Variants in CSMD1 observed in about 807,000 individuals in gnomAD.
The protein encoded by CSMD1 is CUB and Sushi multiple domains 1.
A neutral mutation model predicts 417.5 loss-of-function variants in CSMD1; 213 were observed. The observed-to-expected ratio is 0.51, with a 90% CI of 0.46 to 0.57. CSMD1 has a LOEUF of 0.57. Ranked by LOEUF, CSMD1 falls within the 20% of genes least tolerant of loss-of-function variation. The pLI, the probability that CSMD1 is intolerant of heterozygous loss-of-function variation, is 0.00. For missense variants in CSMD1, 6,923 were observed against 4,529.7 expected, an observed-to-expected ratio of 1.53 and a Z score of -15.17; for synonymous variants, 2,862 against 1,736.8, an observed-to-expected ratio of 1.65 and a Z score of -16.11.
At chr8:4,143,480 C>A (rs1455490793) in intron 3 of CSMD1, among the ~76,000 whole-genome samples, 1 of 149,848 alleles carries the variant, frequency 6.7e-6, no homozygotes, top group Non-Finnish European at 1.5e-5. Context: ...TAATATATGG[C>A]TCATAGTTAA....
chr8:3,384,142 T>G (rs1810816277), intron 18 of CSMD1, among the ~76,000 whole-genome samples: 1 of 152,142 alleles, frequency 6.6e-6, no homozygotes, highest in African/African-American at 2.4e-5. Flanking sequence ...ACATGTTTAC[T>G]CTGGGAAATG....
chr8:4,895,218 A>G (rs1804399175), intron 1 of CSMD1, among the ~76,000 whole-genome samples: 1 of 152,158 alleles, frequency 6.6e-6, no homozygotes, highest in African/African-American at 2.4e-5. Flanking sequence ...AACCATGTAC[A>G]ACTAAGACAA....
intron 3 of CSMD1, among the ~76,000 whole-genome samples, chr8:4,184,391 C>G (rs558531153): frequency 6.6e-6 from 1 of 152,208 alleles, no homozygotes; most frequent in South Asian, 2.1e-4. Flanking sequence ...ATTTCCAATT[C>G]TAATAATCTG....
chr8:4,110,010 C>T (rs544095376), intron 3 of CSMD1, among the ~76,000 whole-genome samples: 9 of 152,078 alleles, frequency 5.9e-5, no homozygotes, highest in Non-Finnish European at 1.3e-4. Context: ...CCTGTGTTAA[C>T]TAAAATGATT....
chr8:3,297,496 T>G (rs942924042), intron 25 of CSMD1, among the ~76,000 whole-genome samples: 1 of 152,178 alleles, frequency 6.6e-6, no homozygotes, highest in African/African-American at 2.4e-5. Flanking sequence ...GGAATACAGT[T>G]TGGAAACAGA....
chr8:4,704,878 C>T (rs1250405755), intron 1 of CSMD1, among the ~76,000 whole-genome samples: 1 of 152,238 alleles, frequency 6.6e-6, no homozygotes, highest in African/African-American at 2.4e-5. Flanking sequence ...TCCAAAAACC[C>T]TATGGTAAAG....
intron 3 of CSMD1, among the ~76,000 whole-genome samples, chr8:4,036,269 T>C (rs1387031313): frequency 1.3e-5 from 2 of 152,210 alleles, no homozygotes; most frequent in Non-Finnish European, 2.9e-5. Flanking sequence ...ATGTAACATA[T>C]CTCAAGATGC....
chr8:3,382,461 A>T (rs1214007440), intron 18 of CSMD1, among the ~76,000 whole-genome samples: 1 of 126,116 alleles, frequency 7.9e-6, no homozygotes, highest in Non-Finnish European at 1.7e-5. Flanking sequence ...AATATATATA[A>T]TATATTATAT....
intron 4 of CSMD1, among the ~76,000 whole-genome samples, chr8:4,016,922 T>C (rs552573499): frequency 6.0e-4 from 91 of 152,312 alleles, no homozygotes; most frequent in African/African-American, 2.0e-3. Flanking sequence ...ATAATCCCAA[T>C]TGTTGAAATC....
At chr8:3,846,466 C>T (rs1803509429) in intron 5 of CSMD1, among the ~76,000 whole-genome samples, 1 of 152,162 alleles carries the variant, frequency 6.6e-6, no homozygotes, top group Non-Finnish European at 1.5e-5. Context: ...AAATAACCTT[C>T]CTCTCAGTTT....
intron 2 of CSMD1, among the ~76,000 whole-genome samples, chr8:4,468,909 A>G (rs570011602): frequency 6.6e-6 from 1 of 151,982 alleles, no homozygotes; most frequent in African/African-American, 2.4e-5. Flanking sequence ...GCTAATAGGA[A>G]AGGAATGCTG....
intron 5 of CSMD1, among the ~76,000 whole-genome samples, chr8:3,882,452 G>A (rs10100510): frequency 0.058 from 8,893 of 152,184 alleles, 655 homozygotes; most frequent in African/African-American, 0.17. Context: ...CCTACACTAC[G>A]GTGGTATTAC....
intron 52 of CSMD1, among the ~76,000 whole-genome samples, chr8:3,006,950 G>C (rs1424493465): frequency 7.1e-6 from 1 of 141,806 alleles, no homozygotes; most frequent in Non-Finnish European, 1.5e-5. Context: ...AAGAGCTTCT[G>C]CACAGCAAAA....
intron 7 of CSMD1, among the ~76,000 whole-genome samples, chr8:3,703,611 C>A (rs538598614): frequency 6.6e-6 from 1 of 152,074 alleles, no homozygotes; most frequent in East Asian, 1.9e-4. Context: ...AAGGTACAAT[C>A]AAGGTAGGTC....
chr8:3,412,357 G>A (rs1052834836), intron 12 of CSMD1, among the ~76,000 whole-genome samples: 1 of 151,868 alleles, frequency 6.6e-6, no homozygotes, highest in African/African-American at 2.4e-5. Context: ...TGTCAGTTTT[G>A]GCAATGTTTG....
chr8:4,300,437 A>T (rs947119189), intron 3 of CSMD1, among the ~76,000 whole-genome samples: 15 of 152,246 alleles, frequency 9.9e-5, no homozygotes, highest in Admixed American at 2.6e-4. Flanking sequence ...CATTCAGTCC[A>T]TCCCTAAAGA....
At chr8:4,748,948 C>T (rs1399294486) in intron 1 of CSMD1, among the ~76,000 whole-genome samples, 2 of 152,190 alleles carry the variant, frequency 1.3e-5, no homozygotes, top group Non-Finnish European at 2.9e-5. Context: ...GCTTCCTTAA[C>T]TCACTACAAT....
At chr8:2,961,252 A>G in intron 61 of CSMD1, 38 bp from the exon 62 acceptor site, 1 of 1,330,722 alleles carries the variant, frequency 7.5e-7, no homozygotes, top group Non-Finnish European at 1.1e-6. Context: ...AGGGCACCAG[A>G]TATAGTTATT....
intron 2 of CSMD1, among the ~76,000 whole-genome samples, chr8:4,437,427 T>C (rs971980166): frequency 3.3e-5 from 5 of 152,220 alleles, no homozygotes; most frequent in East Asian, 1.9e-4. Context: ...TTTCTAGTCA[T>C]GATTATCCGT....
Sources: gnomAD v4.1 joint callset for allele counts (sites outside exome capture counted in the v4.1 genomes callset) on GRCh38, gnomAD v4.1.1 for gene constraint, MANE v1.5 for transcripts, NCBI Gene and HGNC (gene_info 2026-07-23, HGNC 2026-07-21) for gene names.